The following BCL2 variants were observed in gnomAD, a reference collection of about 807,000 sequenced individuals.
The protein encoded by BCL2 is BCL2 apoptosis regulator.
Under a neutral mutation model 14.2 loss-of-function variants are expected in BCL2, and 1 was observed. The ratio of observed to expected loss-of-function variants is 0.07; its 90% CI spans 0.02 to 0.33. BCL2 has a LOEUF of 0.33. BCL2 is among the 10% of genes least tolerant of loss of function. The pLI is 0.99. For missense variants in BCL2, 247 were observed against 305.9 expected (o/e 0.81, Z 1.44); for synonymous variants, 151 against 137.2 (o/e 1.10, Z -0.70).
chr18:63,189,881 C>G (rs990176472), intron 2 of BCL2, among the ~76,000 whole-genome samples: 4 of 152,076 alleles, frequency 2.6e-5, no homozygotes, highest in Non-Finnish European at 4.4e-5. Context: ...AATATGTGTT[C>G]AGTATAGTTG....
At chr18:63,180,305 G>A (rs1435567662) in intron 2 of BCL2, among the ~76,000 whole-genome samples, 1 of 152,258 alleles carries the variant, frequency 6.6e-6, no homozygotes, top group African/African-American at 2.4e-5. Flanking sequence ...GCAGGGAAGG[G>A]AGATATTAAA....
At chr18:63,284,223 C>T (rs1912399618) in intron 2 of BCL2, among the ~76,000 whole-genome samples, 1 of 152,150 alleles carries the variant, frequency 6.6e-6, no homozygotes, top group Non-Finnish European at 1.5e-5. Flanking sequence ...ATTTATAACA[C>T]TTCCTGGATG....
intron 2 of BCL2, among the ~76,000 whole-genome samples, chr18:63,211,794 G>A (rs1262081922): frequency 2.0e-5 from 3 of 152,212 alleles, no homozygotes; most frequent in Admixed American, 2.0e-4. Flanking sequence ...CAGTGCAGAG[G>A]AGCCATGCCA....
chr18:63,268,842 G>C (rs1219537654), intron 2 of BCL2, among the ~76,000 whole-genome samples: 2 of 152,088 alleles, frequency 1.3e-5, no homozygotes, highest in East Asian at 1.9e-4. Flanking sequence ...TTCTTTTTAT[G>C]GCCTGAAGGA....
intron 2 of BCL2, among the ~76,000 whole-genome samples, chr18:63,270,873 G>C (rs957452321): frequency 6.6e-6 from 1 of 151,732 alleles, no homozygotes; most frequent in South Asian, 2.1e-4. Context: ...GCTGGAGTAC[G>C]GTGGTGCGAT....
intron 2 of BCL2, among the ~76,000 whole-genome samples, chr18:63,215,486 CATATG>C (rs761316793): frequency 6.6e-6 from 1 of 152,164 alleles, no homozygotes; most frequent in Non-Finnish European, 1.5e-5. Flanking sequence ...CATAAAGGGA[CATATG>C]ATATGATCTG....
At chr18:63,242,910 C>T (rs542022304) in intron 2 of BCL2, among the ~76,000 whole-genome samples, 32 of 152,208 alleles carry the variant, frequency 2.1e-4, no homozygotes, top group Non-Finnish European at 4.0e-4. Context: ...AACGGAGAGG[C>T]GCTGGAATAT....
rs528931255 is a variant in BCL2, at chr18:63,237,186, G to A, written c.585+80896C>T. ...GCCCGGGGACTGTGGTATGGAGGCC[G>A]AGAGAGGCCCATTTTAAGGAAGAAG... On this transcript the variant is annotated intron_variant, in intron 2 of 2. Coordinates refer to ENST00000333681, the MANE Select transcript of BCL2 (RefSeq NM_000633.3). 3.9e-5 allele frequency among the ~76,000 whole-genome samples: 6 copies of A among 152,204 alleles called. No homozygotes were observed. In the East Asian group the frequency reaches 1.2e-3, roughly 29 times the overall value.
intron 2 of BCL2, among the ~76,000 whole-genome samples, chr18:63,262,859 T>C (rs777351334): frequency 1.3e-5 from 2 of 152,160 alleles, no homozygotes; most frequent in Non-Finnish European, 2.9e-5. Flanking sequence ...AATATAAAAA[T>C]GTTATTTAGG....
intron 2 of BCL2, among the ~76,000 whole-genome samples, chr18:63,155,390 C>G (rs1364033640): frequency 6.6e-6 from 1 of 152,040 alleles, no homozygotes; most frequent in African/African-American, 2.4e-5. Flanking sequence ...AGTCACGAGA[C>G]AGGACGTGAT....
chr18:63,150,103 A>G (rs1914616682), intron 2 of BCL2, among the ~76,000 whole-genome samples: 2 of 152,150 alleles, frequency 1.3e-5, no homozygotes, highest in Admixed American at 6.5e-5. Context: ...GGCTGGCCTG[A>G]AACTCCTGAC....
intron 2 of BCL2, among the ~76,000 whole-genome samples, chr18:63,189,812 C>T (rs1909238551): frequency 6.6e-6 from 1 of 151,396 alleles, no homozygotes; most frequent in Non-Finnish European, 1.5e-5. Context: ...TGATGTTCTC[C>T]GTGTGACTCT....
chr18:63,263,934 T>A (rs749011941), intron 2 of BCL2, among the ~76,000 whole-genome samples: 18 of 152,156 alleles, frequency 1.2e-4, no homozygotes, highest in Non-Finnish European at 2.1e-4. Flanking sequence ...TAAGCGAATC[T>A]CATTTTTGTA....
intron 2 of BCL2, among the ~76,000 whole-genome samples, chr18:63,218,870 C>T (rs1910302415): frequency 6.7e-6 from 1 of 149,188 alleles, no homozygotes; most frequent in Non-Finnish European, 1.5e-5. Context: ...CCACCTTGGC[C>T]CTTCCTTCAA....
chr18:63,178,119 G>T (rs1915393365), intron 2 of BCL2, among the ~76,000 whole-genome samples: 1 of 152,324 alleles, frequency 6.6e-6, no homozygotes, highest in East Asian at 1.9e-4. Context: ...GAGCCTGGGG[G>T]CCATGAAAGC....
At chr18:63,224,534 C>T (rs765410892) in intron 2 of BCL2, among the ~76,000 whole-genome samples, 1 of 152,154 alleles carries the variant, frequency 6.6e-6, no homozygotes, top group African/African-American at 2.4e-5. Flanking sequence ...TGTTTTTTAA[C>T]CTGGATTTTC....
chr18:63,263,287 C>T (rs1032698938), intron 2 of BCL2, among the ~76,000 whole-genome samples: 1 of 152,210 alleles, frequency 6.6e-6, no homozygotes, highest in Non-Finnish European at 1.5e-5. Context: ...CAAAAATTAA[C>T]GCTTTGGGCT....
intron 2 of BCL2, among the ~76,000 whole-genome samples, chr18:63,229,886 T>C (rs892155797): frequency 6.6e-6 from 1 of 152,238 alleles, no homozygotes; most frequent in Non-Finnish European, 1.5e-5. Context: ...CTGTTTCATT[T>C]ACCACATTTG....
chr18:63,270,284 C>CT (rs1911969041), intron 2 of BCL2, among the ~76,000 whole-genome samples: 1 of 152,164 alleles, frequency 6.6e-6, no homozygotes, highest in South Asian at 2.1e-4. Flanking sequence ...TGATACAGAG[C>CT]TATTCACTGA....
Sources: gnomAD v4.1 joint callset for allele counts (sites outside exome capture counted in the v4.1 genomes callset) on GRCh38, gnomAD v4.1.1 for gene constraint, MANE v1.5 for transcripts, NCBI Gene and HGNC (gene_info 2026-07-23, HGNC 2026-07-21) for gene names.